CAGE1: variants seen among roughly 807,000 people sequenced by gnomAD.
The protein encoded by CAGE1 is cancer-associated gene 1 protein.
In CAGE1, 66 loss-of-function variants were observed where a neutral mutation model predicts 94.9. The ratio of observed to expected loss-of-function variants is 0.70; its 90% CI spans 0.57 to 0.85. The LOEUF (loss-of-function observed/expected upper bound fraction) is 0.85, where lower values mean the gene tolerates loss of function less well. CAGE1 is among the 40% of genes least tolerant of loss of function. The pLI, the probability that CAGE1 is intolerant of heterozygous loss-of-function variation, is 0.00. For synonymous variants in CAGE1, 319 were observed against 321.0 expected, an observed-to-expected ratio of 0.99 and a Z score of 0.07; for missense variants, 865 against 950.4, an observed-to-expected ratio of 0.91 and a Z score of 1.18.
intron 11 of CAGE1, chr6:7,341,606 C>T (rs1452109193): frequency 6.0e-5 from 50 of 836,338 alleles, no homozygotes; most frequent in Non-Finnish European, 9.7e-5. Flanking sequence ...TTGTCCACAG[C>T]AAGGTGGAAC....
In CAGE1 at chr6:7,339,790, A is replaced by T. The variant is rs1318746166; in HGVS notation, c.2370-5700T>A. ...GAATAGCATTCCGTGGTGTATATATATACCACAATTTCTTTATCCATTCAT... is the reference window on the plus strand; with the variant it reads ...GAATAGCATTCCGTGGTGTATATATTTACCACAATTTCTTTATCCATTCAT... On this transcript the variant is annotated intron_variant, in intron 11 of 13. Coordinates refer to ENST00000502583, the MANE Select transcript of CAGE1 (RefSeq NM_001170692.2). This position sits in a 1 kb window ranked among gnomAD's most constrained non-coding sequence, Gnocchi z 4.7. 6.6e-6 allele frequency among the ~76,000 whole-genome samples: 1 copy of T among 152,134 alleles called. No individual in the cohort carries two copies. Among genetic ancestry groups the T allele is most frequent in the Non-Finnish European group, 1.5e-5 (1 of 67,990 alleles).
chr6:7,331,491 C>T (rs1758752560), intron 12 of CAGE1: 4 of 430,620 alleles, frequency 9.3e-6, no homozygotes, highest in South Asian at 3.3e-5. Flanking sequence ...TGCACCGTTA[C>T]ATTTCACACC....
intron 5 of CAGE1, among the ~76,000 whole-genome samples, chr6:7,371,772 G>A (rs950924692): frequency 1.3e-5 from 2 of 152,176 alleles, no homozygotes; most frequent in African/African-American, 2.4e-5. Flanking sequence ...GGGCGACAGA[G>A]CGAGACTCTG....
intron 11 of CAGE1, among the ~76,000 whole-genome samples, chr6:7,350,675 G>T (rs949435653): frequency 1.3e-5 from 2 of 152,144 alleles, no homozygotes; most frequent in African/African-American, 4.8e-5. Flanking sequence ...GGTCAAAAAT[G>T]AAATCAAGAA....
chr6:7,389,389 ACT>A lies in CAGE1; in HGVS notation c.-213_-212del. 1 of 449,912 alleles carries A rather than the reference ACT, an allele frequency of 2.2e-6. No individual in the cohort carries two copies. The highest frequency in any genetic ancestry group is 1.6e-5 in the South Asian group (1 of 64,310). 27.9% of individuals were successfully genotyped at this position (449,912 alleles called of 1,614,324 possible). A position where few individuals can be genotyped will look rare whatever the true frequency, so the allele number is the denominator to read the frequency against. On this transcript the variant is annotated 5_prime_UTR_variant, in exon 1 of 14. Transcript: ENST00000502583. Reference sequence around the variant, plus strand: ...CGCTTTCCAACCTCCTCCACCAAGGACTCTCACAAACTCGCAATCGGGCTCCC... The same window carrying A: ...CGCTTTCCAACCTCCTCCACCAAGGACTCACAAACTCGCAATCGGGCTCCC...
chr6:7,357,640 C>T (rs1024046884), intron 9 of CAGE1, among the ~76,000 whole-genome samples: 2 of 151,860 alleles, frequency 1.3e-5, no homozygotes, highest in Admixed American at 6.6e-5. Flanking sequence ...CTGCAGAAGC[C>T]GGGTTTTTAG....
At chr6:7,384,350 A>G (rs544000644) in intron 3 of CAGE1, among the ~76,000 whole-genome samples, 45 of 152,202 alleles carry the variant, frequency 3.0e-4, no homozygotes, top group Non-Finnish European at 5.9e-4. Flanking sequence ...TTTTTCTTAC[A>G]CCTGCATGTA....
chr6:7,349,318 T>C (rs1759682808), intron 11 of CAGE1, among the ~76,000 whole-genome samples: 2 of 152,144 alleles, frequency 1.3e-5, no homozygotes, highest in Non-Finnish European at 2.9e-5. Flanking sequence ...CTAAGCATTA[T>C]ATATGAAGGA....
intron 8 of CAGE1, 100 bp downstream of exon 8, chr6:7,365,704 T>C (rs1172774337): frequency 7.5e-7 from 1 of 1,340,026 alleles, no homozygotes; most frequent in African/African-American, 1.5e-5. Flanking sequence ...GTGCAGAACT[T>C]AGAACTAGAA....
intron 11 of CAGE1, chr6:7,341,724 C>A: frequency 2.9e-6 from 2 of 697,466 alleles, no homozygotes; most frequent in Non-Finnish European, 5.5e-6. Context: ...AGGGAGCAGG[C>A]GCCAGGAAGG....
At chr6:7,335,229 G>A (rs113912209) in intron 11 of CAGE1, among the ~76,000 whole-genome samples, 19 of 152,100 alleles carry the variant, frequency 1.2e-4, no homozygotes, top group African/African-American at 2.4e-4. Flanking sequence ...AATAATCTCC[G>A]CAACTCAAGA....
At chr6:7,332,932 T>C (rs1162478422) in intron 12 of CAGE1, among the ~76,000 whole-genome samples, 1 of 152,158 alleles carries the variant, frequency 6.6e-6, no homozygotes, top group Non-Finnish European at 1.5e-5. Context: ...CATTTTAACA[T>C]ACTGCTGTGT....
In CAGE1 at chr6:7,389,316, C is replaced by A. The variant is rs3812164; in HGVS notation, c.-138G>T. 4 of 456,296 alleles carry A rather than the reference C, an allele frequency of 8.8e-6. No homozygotes were observed. The East Asian group carries it at 2.1e-4, about 24-fold the overall frequency. The allele number at this position is 456,296 out of a possible 1,614,324, so 28.3% of individuals were successfully genotyped here. On this transcript the variant is annotated 5_prime_UTR_variant, in exon 1 of 14. Transcript: ENST00000502583. ...TCCATAGTTTCTTGGACCCACGCTA[C>A]GGACCTGGCTCTCCCTCCCTCTGCA... is the stretch of plus-strand genomic sequence containing the variant.
At chr6:7,386,888 G>T (rs1434005448) in intron 2 of CAGE1, 91 bp downstream of exon 2, 2 of 872,780 alleles carry the variant, frequency 2.3e-6, no homozygotes, top group Non-Finnish European at 3.6e-6. Context: ...TTGTTTTATT[G>T]TTCCTTATAG....
intron 9 of CAGE1, among the ~76,000 whole-genome samples, chr6:7,358,925 C>T (rs1419701296): frequency 6.6e-6 from 1 of 152,230 alleles, no homozygotes; most frequent in Non-Finnish European, 1.5e-5. Flanking sequence ...AATTTTACAT[C>T]CCAACCAGCA....
rs948535453 is a variant in CAGE1 at position 7,379,012 on chromosome 6, T to C, written c.292A>G (p.Ile98Val). 6.6e-7 allele frequency: 1 copy of C among 1,510,190 alleles called. No individual in the cohort carries two copies. The highest frequency in any genetic ancestry group is 8.8e-7 in the Non-Finnish European group (1 of 1,130,116). 93.5% of individuals were successfully genotyped at this position (1,510,190 alleles called of 1,614,324 possible). The change falls in exon 4 of 14, where the codon ATT (isoleucine) becomes GTT (valine). Residue 98 changes from isoleucine (I) to valine (V), a missense_variant. Physicochemically the swap from Ile to Val is conservative, Grantham distance 29. Transcript: ENST00000502583. Reference protein sequence around the residue: ...TLDNLLNDNNIENYSTNALIQ... With the variant: ...TLDNLLNDNNVENYSTNALIQ... ...AGTGCATTCGTTGAGTAATTTTCAA[T>C]GTTGTTATCTCATAAGAAAGAGAAA...
At chr6:7,387,666 C>T (rs1761164062) in intron 1 of CAGE1, among the ~76,000 whole-genome samples, 1 of 152,010 alleles carries the variant, frequency 6.6e-6, no homozygotes, top group African/African-American at 2.4e-5. Context: ...GTCTTGGCAT[C>T]CCTCTACCTC....
intron 13 of CAGE1, chr6:7,329,109 T>C: frequency 3.3e-6 from 1 of 305,974 alleles, no homozygotes; most frequent in Non-Finnish European, 6.0e-6. Context: ...TTTTCTGTAT[T>C]TTTAATAGAG....
chr6:7,352,295 AAAAAAAAAAACAAAAAAAAAC>A (rs1759800792), intron 11 of CAGE1, among the ~76,000 whole-genome samples: 1 of 119,852 alleles, frequency 8.3e-6, no homozygotes, highest in Non-Finnish European at 1.7e-5. Context: ...AGCTGCAAAA[AAAAAAAAAAACAAAAAAAAAC>A]AAAAAAAAAA....
Sources: allele counts gnomAD v4.1 joint callset (sites outside exome capture counted in the v4.1 genomes callset), GRCh38; gene constraint gnomAD v4.1.1; non-coding constraint Gnocchi (gnomAD v3.1); transcripts MANE v1.5; gene names NCBI Gene and HGNC (gene_info 2026-07-23, HGNC 2026-07-21).